CHST11: variants seen among roughly 807,000 people sequenced by gnomAD.
The protein encoded by CHST11 is C4S-1.
CHST11 carries 9 observed loss-of-function variants against 30.4 expected under a neutral mutation model. The ratio of observed to expected loss-of-function variants is 0.30; its 90% CI spans 0.18 to 0.52. CHST11 has a LOEUF of 0.52. CHST11 is among the 20% of genes least tolerant of loss of function. CHST11 has a pLI of 0.97. For missense variants in CHST11, 348 were observed against 460.6 expected (o/e 0.76, Z 2.24); for synonymous variants, 152 against 187.8 (o/e 0.81, Z 1.56).
At chr12:104,605,152 C>CAAAAAAAAAAAAAA in intron 2 of CHST11, among the ~76,000 whole-genome samples, 1 of 93,516 alleles carries the variant, frequency 1.1e-5, no homozygotes, top group Non-Finnish European at 2.2e-5. Context: ...ATCCCCTCTC[C>CAAAAAAAAAAAAAA]AAAAAAAAAA....
intron 1 of CHST11, among the ~76,000 whole-genome samples, chr12:104,472,390 TAC>T (rs111810878): frequency 0.01 from 1,563 of 149,624 alleles, 20 homozygotes; most frequent in African/African-American, 0.034. Context: ...CAAAGTTTTA[TAC>T]ACACACACAC....
chr12:104,586,422 CTG>C (rs1233870972), intron 1 of CHST11, among the ~76,000 whole-genome samples: 5 of 152,220 alleles, frequency 3.3e-5, no homozygotes, highest in African/African-American at 1.2e-4. Context: ...TGTGTGAAGA[CTG>C]TGTGAGTGTG....
At chr12:104,637,317 A>ACTC (rs1296029587) in intron 2 of CHST11, among the ~76,000 whole-genome samples, 12,626 of 97,976 alleles carry the variant, frequency 0.13, 2,120 homozygotes, top group Non-Finnish European at 0.15. Context: ...AAAAAAAAAA[A>ACTC]AAAAAAAAAA....
At chr12:104,750,890 T>A (rs1213105338) in intron 2 of CHST11, among the ~76,000 whole-genome samples, 1 of 152,214 alleles carries the variant, frequency 6.6e-6, no homozygotes, top group Admixed American at 6.5e-5. Flanking sequence ...AATGTATTTT[T>A]AAAAACATTA....
chr12:104,633,044 A>G (rs1326646439), intron 2 of CHST11, among the ~76,000 whole-genome samples: 5 of 152,220 alleles, frequency 3.3e-5, no homozygotes, highest in Admixed American at 6.5e-5. Context: ...GCTCATGGGC[A>G]GGGAGGGTGA....
chr12:104,747,051 T>C (rs1592872375), intron 2 of CHST11, among the ~76,000 whole-genome samples: 1 of 152,212 alleles, frequency 6.6e-6, no homozygotes, highest in South Asian at 2.1e-4. Flanking sequence ...TTGGAGCCCC[T>C]GAAATAGTGG....
At chr12:104,545,582 C>T (rs1257404508) in intron 1 of CHST11, among the ~76,000 whole-genome samples, 1 of 152,176 alleles carries the variant, frequency 6.6e-6, no homozygotes, top group African/African-American at 2.4e-5. Context: ...TATCACTGTA[C>T]CAGGTTCCAT....
intron 1 of CHST11, among the ~76,000 whole-genome samples, chr12:104,459,015 C>T (rs891201559): frequency 2.0e-5 from 3 of 152,230 alleles, no homozygotes; most frequent in Admixed American, 6.5e-5. Flanking sequence ...GTTGTTAAGG[C>T]AGCCACACTG....
At chr12:104,576,558 T>A (rs2038685510) in intron 1 of CHST11, among the ~76,000 whole-genome samples, 1 of 152,280 alleles carries the variant, frequency 6.6e-6, no homozygotes, top group Middle Eastern at 3.4e-3. Flanking sequence ...AGCAACGGAC[T>A]CTTCAGAGAA....
At chr12:104,720,813 G>A (rs746088289) in intron 2 of CHST11, among the ~76,000 whole-genome samples, 29 of 152,192 alleles carry the variant, frequency 1.9e-4, no homozygotes, top group Admixed American at 5.9e-4. Context: ...AGGAAATGTC[G>A]TCTACCGTGG....
At chr12:104,527,817 G>A (rs2038143443) in intron 1 of CHST11, among the ~76,000 whole-genome samples, 1 of 152,182 alleles carries the variant, frequency 6.6e-6, no homozygotes, top group Admixed American at 6.5e-5. Context: ...GCATGGCTGG[G>A]AGAGCTCAGG....
intron 2 of CHST11, among the ~76,000 whole-genome samples, chr12:104,744,110 G>T (rs569925190): frequency 3.1e-4 from 47 of 152,184 alleles, no homozygotes; most frequent in African/African-American, 1.1e-3. Context: ...TATTCCTTTG[G>T]GTATATACCC....
chr12:104,480,147 CCTAT>C (rs1209128187), intron 1 of CHST11, among the ~76,000 whole-genome samples: 3 of 152,128 alleles, frequency 2.0e-5, no homozygotes, highest in South Asian at 4.1e-4. Flanking sequence ...TGAATTCAGG[CCTAT>C]CTTTCATAAA....
In CHST11 at chr12:104,757,007, C is replaced by A; in HGVS notation, c.263C>A (p.Thr88Lys). 1 of 1,613,358 alleles carries A rather than the reference C, an allele frequency of 6.2e-7. No homozygotes were observed. The highest frequency in any genetic ancestry group is 8.5e-7 in the Non-Finnish European group (1 of 1,179,880). ...ATGCGGCGGGACCAGGTGACAGACA[C>A]GTGCCGAGCCAACAGCGCCACAAGC... is the stretch of plus-strand genomic sequence containing the variant. ...HQMRRDQVTD[T>K]CRANSATSRK... The change falls in exon 3 of 3, where the codon ACG becomes AAG. Residue 88 changes from threonine (T) to lysine (K), a missense_variant. By Grantham distance (78) the Thr-to-Lys change is moderately conservative. Around this residue, in one of 3 missense-constraint regions of CHST11, gnomAD observed 135 missense variants for 155.8 expected, o/e 0.87. Coordinates refer to ENST00000303694, the MANE Select transcript of CHST11 (RefSeq NM_018413.6). This position sits in a 1 kb window ranked among gnomAD's most constrained non-coding sequence, Gnocchi z 6.5.
In CHST11 at chr12:104,674,025, T is replaced by G. The variant is rs577782813; in HGVS notation, c.204+72034T>G. Among the ~76,000 whole-genome samples, 108 of 152,366 alleles carry G rather than the reference T, an allele frequency of 7.1e-4. 1 individual carries two copies. Among genetic ancestry groups the G allele is most frequent in the Admixed American group, 5.4e-3 (83 of 15,306 alleles). On this transcript the variant is annotated intron_variant, in intron 2 of 2. Transcript: ENST00000303694. ...CGGCCTCTGTTGAATGGCCTGCACT[T>G]AGTTTTAGTCGATTTCCTCCCCTGA... is the stretch of plus-strand genomic sequence containing the variant.
At position 104,564,695 on chromosome 12, in the gene CHST11, T is replaced by C. The variant is rs576267539; in HGVS notation, c.119-37211T>C. 4.1e-4 allele frequency among the ~76,000 whole-genome samples: 62 copies of C among 152,334 alleles called. 2 individuals are homozygous for C. The South Asian group carries it at 0.013, about 31-fold the overall frequency. ...AATTGTCCAAGATGCACATCGGTGA[T>C]CCTTTGCCAATGTATTTGTATTCGT... On this transcript the variant is annotated intron_variant, in intron 1 of 2. Transcript: ENST00000303694.
intron 1 of CHST11, among the ~76,000 whole-genome samples, chr12:104,541,791 G>A (rs1023476927): frequency 2.6e-5 from 4 of 152,336 alleles, no homozygotes; most frequent in East Asian, 1.9e-4. Flanking sequence ...AGTTAGGCAC[G>A]GAGGCAGGTG....
intron 2 of CHST11, among the ~76,000 whole-genome samples, chr12:104,630,723 A>G (rs750944193): frequency 2.1e-4 from 32 of 152,210 alleles, no homozygotes; most frequent in Non-Finnish European, 8.8e-5. Context: ...CGTTTCATGA[A>G]AACATCTCTT....
intron 1 of CHST11, among the ~76,000 whole-genome samples, chr12:104,512,372 A>G (rs921746952): frequency 3.3e-5 from 5 of 152,140 alleles, no homozygotes; most frequent in Admixed American, 3.3e-4. Context: ...AGTTCCACAA[A>G]TATTTATTAT....
Sources: gnomAD v4.1 joint callset for allele counts (sites outside exome capture counted in the v4.1 genomes callset) on GRCh38, gnomAD v4.1.1 for gene constraint, gnomAD v4.1.1 regional missense constraint, Gnocchi (gnomAD v3.1) non-coding constraint, MANE v1.5 for transcripts, NCBI Gene and HGNC (gene_info 2026-07-23, HGNC 2026-07-21) for gene names.